Variants in TMEM117 observed in about 807,000 individuals in gnomAD.
TMEM117 encodes the protein transmembrane protein 117.
TMEM117 carries 27 observed loss-of-function variants against 52.4 expected under a neutral mutation model. The observed-to-expected ratio is 0.51, with a 90% confidence interval of 0.38 to 0.71. TMEM117 has a LOEUF of 0.71. Among genes scored for constraint, TMEM117 ranks in the 30% least tolerant of loss-of-function variants. The pLI is 0.00. For synonymous variants in TMEM117, 215 were observed against 206.3 expected, an observed-to-expected ratio of 1.04 and a Z score of -0.36; for missense variants, 556 against 630.5, an observed-to-expected ratio of 0.88 and a Z score of 1.26.
chr12:44,176,288 A>C (rs774701486), intron 4 of TMEM117, among the ~76,000 whole-genome samples: 16 of 152,148 alleles, frequency 1.1e-4, no homozygotes, highest in Non-Finnish European at 2.2e-4. Context: ...TTTGTTTTAT[A>C]CCCAGCACCT....
intron 3 of TMEM117, among the ~76,000 whole-genome samples, chr12:44,090,298 T>C (rs1425684192): frequency 3.9e-5 from 6 of 152,108 alleles, no homozygotes; most frequent in Admixed American, 3.3e-4. Context: ...TAGCCTCTGA[T>C]AGGTGGTTTT....
chr12:44,151,414 T>A (rs1166771274), intron 4 of TMEM117, among the ~76,000 whole-genome samples: 1 of 151,810 alleles, frequency 6.6e-6, no homozygotes. Context: ...AACGTGCAGG[T>A]TTGTTACATA....
chr12:43,993,405 C>G (rs1177810407), intron 3 of TMEM117, among the ~76,000 whole-genome samples: 1 of 152,138 alleles, frequency 6.6e-6, no homozygotes, highest in Non-Finnish European at 1.5e-5. Context: ...TACTATATGC[C>G]TCAGCTCAAT....
At chr12:44,054,644 C>T (rs1466623399) in intron 3 of TMEM117, among the ~76,000 whole-genome samples, 2 of 151,488 alleles carry the variant, frequency 1.3e-5, no homozygotes, top group African/African-American at 2.4e-5. Flanking sequence ...AGGTTTTTGC[C>T]TTATTTGTTA....
At chr12:44,334,724 C>T (rs1951317824) in intron 6 of TMEM117, among the ~76,000 whole-genome samples, 2 of 152,138 alleles carry the variant, frequency 1.3e-5, no homozygotes, top group Non-Finnish European at 2.9e-5. Context: ...TCCTCCACCA[C>T]ATGATGCTCT....
At chr12:43,916,902 C>T (rs1460611735) in intron 2 of TMEM117, among the ~76,000 whole-genome samples, 1 of 152,164 alleles carries the variant, frequency 6.6e-6, no homozygotes, top group African/African-American at 2.4e-5. Flanking sequence ...ACTCCCCTCT[C>T]TACTCCTCCC....
intron 5 of TMEM117, among the ~76,000 whole-genome samples, chr12:44,244,089 A>C (rs1950099047): frequency 6.6e-6 from 1 of 151,946 alleles, no homozygotes; most frequent in African/African-American, 2.4e-5. Flanking sequence ...TAAACATGGG[A>C]GTGACATATA....
chr12:43,895,985 A>G (rs748698957), intron 2 of TMEM117, among the ~76,000 whole-genome samples: 10 of 152,176 alleles, frequency 6.6e-5, no homozygotes, highest in African/African-American at 9.6e-5. Context: ...CCACACTGGC[A>G]GCTGGTTAGA....
intron 3 of TMEM117, among the ~76,000 whole-genome samples, chr12:44,069,775 T>C (rs986780440): frequency 6.6e-6 from 1 of 152,254 alleles, no homozygotes; most frequent in African/African-American, 2.4e-5. Context: ...AATAGTAATT[T>C]AAACAAACAG....
intron 3 of TMEM117, among the ~76,000 whole-genome samples, chr12:44,122,820 G>T (rs1363237606): frequency 6.6e-6 from 1 of 152,090 alleles, no homozygotes; most frequent in Non-Finnish European, 1.5e-5. Context: ...ATAGTTGATG[G>T]GCATTTAGGT....
At chr12:44,237,607 C>T (rs1950013384) in intron 5 of TMEM117, among the ~76,000 whole-genome samples, 1 of 151,952 alleles carries the variant, frequency 6.6e-6, no homozygotes, top group South Asian at 2.1e-4. Flanking sequence ...ATCCCCGCTA[C>T]TTGGGAGGCT....
intron 3 of TMEM117, among the ~76,000 whole-genome samples, chr12:44,056,764 G>C (rs548366635): frequency 2.6e-5 from 4 of 151,906 alleles, no homozygotes; most frequent in Non-Finnish European, 5.9e-5. Flanking sequence ...CTCTCTCTCT[G>C]TCTCTCTGTC....
intron 6 of TMEM117, among the ~76,000 whole-genome samples, chr12:44,300,734 T>A (rs557504982): frequency 6.6e-6 from 1 of 152,338 alleles, no homozygotes; most frequent in East Asian, 1.9e-4. Flanking sequence ...TATTTTAAAA[T>A]ACACTATCAT....
intron 3 of TMEM117, among the ~76,000 whole-genome samples, chr12:44,106,595 A>G (rs1047379521): frequency 1.1e-4 from 16 of 152,026 alleles, no homozygotes; most frequent in Non-Finnish European, 4.4e-5. Context: ...TAACAATAAT[A>G]TATTGTATAC....
At chr12:43,960,262 C>G (rs1009813467) in intron 3 of TMEM117, among the ~76,000 whole-genome samples, 1 of 149,474 alleles carries the variant, frequency 6.7e-6, no homozygotes, top group Non-Finnish European at 1.5e-5. Context: ...TGATTCTGGT[C>G]AAGGGGGTTG....
At chr12:43,836,423 AG>A (rs1363722275) in intron 1 of TMEM117, among the ~76,000 whole-genome samples, 1 of 151,642 alleles carries the variant, frequency 6.6e-6, no homozygotes, top group Non-Finnish European at 1.5e-5. Flanking sequence ...TCAAGGAGGG[AG>A]GGGGGACGCG....
intron 2 of TMEM117, among the ~76,000 whole-genome samples, chr12:43,920,514 T>A (rs2137554504): frequency 6.7e-6 from 1 of 148,628 alleles, no homozygotes; most frequent in Admixed American, 6.7e-5. Flanking sequence ...CTCAAAAAAA[T>A]GACTTTTTGT....
At chr12:44,060,757 G>T (rs892625181) in intron 3 of TMEM117, among the ~76,000 whole-genome samples, 1 of 152,138 alleles carries the variant, frequency 6.6e-6, no homozygotes, top group African/African-American at 2.4e-5. Flanking sequence ...CCACAAAATT[G>T]GTGAGTTTTC....
chr12:43,798,606 AAACT>A, the TMEM117 span: 10 of 1,512,524 alleles, frequency 6.6e-6, no homozygotes, highest in East Asian at 2.5e-4. Flanking sequence ...GAAATAAAAC[AAACT>A]ATCAAACTCG....
Sources: allele counts gnomAD v4.1 joint callset (sites outside exome capture counted in the v4.1 genomes callset), GRCh38; gene constraint gnomAD v4.1.1; transcripts MANE v1.5; gene names NCBI Gene and HGNC (gene_info 2026-07-23, HGNC 2026-07-21).